FRK: variants seen among roughly 807,000 people sequenced by gnomAD.
FRK encodes the protein tyrosine-protein kinase FRK.
Under a neutral mutation model 56.4 loss-of-function variants are expected in FRK, and 51 were observed. The observed-to-expected ratio is 0.90, with a 90% CI of 0.72 to 1.14. The LOEUF (loss-of-function observed/expected upper bound fraction) is 1.14. FRK is among the 50% of genes most tolerant of loss of function. The pLI is 0.00. For synonymous variants in FRK, 245 were observed against 217.9 expected (o/e 1.12, Z -1.10); for missense variants, 570 against 601.4 (o/e 0.95, Z 0.55).
rs1416671734 is a variant in FRK, at chr6:115,940,532, G to A, written c.*1882C>T. On this transcript the variant is annotated 3_prime_UTR_variant, in exon 8 of 8. Transcript: ENST00000606080. ...GACAGCAAAAGAAACTATCATCAGA[G>A]TGAACAGGCAACCTACAGAATGGGA... 6.6e-6 allele frequency: 1 copy of A among 152,172 alleles called. No individual in the cohort carries two copies. The highest frequency in any genetic ancestry group is 2.4e-5 in the African/African-American group (1 of 41,442). 9.4% of individuals were successfully genotyped at this position (152,172 alleles called of 1,614,324 possible).
chr6:115,994,664 A>G (rs1774767285), intron 2 of FRK, among the ~76,000 whole-genome samples: 1 of 152,108 alleles, frequency 6.6e-6, no homozygotes, highest in Non-Finnish European at 1.5e-5. Context: ...TATATATTGA[A>G]GGCTTAAATC....
chr6:116,061,238 A>G (rs1777612472), upstream of FRK, among the ~76,000 whole-genome samples: 1 of 152,228 alleles, frequency 6.6e-6, no homozygotes, highest in Non-Finnish European at 1.5e-5. Flanking sequence ...AGAACCATCA[A>G]GTCACTCCCT....
chr6:116,055,349 T>C (rs1188226762), intron 1 of FRK, among the ~76,000 whole-genome samples: 2 of 152,172 alleles, frequency 1.3e-5, no homozygotes, highest in Non-Finnish European at 2.9e-5. Context: ...AAACTACAAG[T>C]TACAAATATT....
In FRK at chr6:116,036,755, G is replaced by A. The variant is rs189664781; in HGVS notation, c.344+23213C>T. The stretch of plus-strand genomic sequence containing the variant: ...TTATTCATTAAATAAGTAAAATAAC[G>A]TTACAACATAGATATCAATGTACTT... On this transcript the variant is annotated intron_variant, in intron 1 of 7. Coordinates refer to ENST00000606080, the MANE Select transcript of FRK (RefSeq NM_002031.3). 1.4e-4 allele frequency among the ~76,000 whole-genome samples: 21 copies of A among 152,032 alleles called. No homozygotes were observed. In the East Asian group the frequency reaches 2.1e-3, roughly 15 times the overall value.
intron 2 of FRK, among the ~76,000 whole-genome samples, chr6:115,972,857 T>C (rs1773860503): frequency 1.3e-5 from 2 of 152,188 alleles, no homozygotes; most frequent in African/African-American, 4.8e-5. Flanking sequence ...AGTCAGTAGA[T>C]GGCACTGCCA....
At chr6:115,952,738 A>T (rs567217485) in intron 5 of FRK, among the ~76,000 whole-genome samples, 26 of 152,142 alleles carry the variant, frequency 1.7e-4, no homozygotes, top group African/African-American at 5.8e-4. Context: ...AATACTATGC[A>T]GCCATAAAAA....
At chr6:115,958,607 A>G (rs1773110398) in intron 4 of FRK, among the ~76,000 whole-genome samples, 1 of 140,542 alleles carries the variant, frequency 7.1e-6, no homozygotes. Context: ...CAGCCTGGGA[A>G]ATAGAGTGAG....
chr6:115,940,424 G>C lies in FRK; in HGVS notation c.*1990C>G, dbSNP rs942883454. 1 of 152,184 alleles carries C rather than the reference G, an allele frequency of 6.6e-6. No individual in the cohort carries two copies. Among genetic ancestry groups the C allele is most frequent in the African/African-American group, 2.4e-5 (1 of 41,430 alleles). The allele number at this position is 152,184 out of a possible 1,614,324, so 9.4% of individuals were successfully genotyped here. On this transcript the variant is annotated 3_prime_UTR_variant, in exon 8 of 8. Transcript: ENST00000606080. ...CATTCAGGACATAGGCATTGGAAAA[G>C]ACATCATGACTAAAACACAAAAACC...
the FRK span, among the ~76,000 whole-genome samples, chr6:116,089,319 C>A: frequency 6.6e-6 from 1 of 152,190 alleles, no homozygotes; most frequent in Admixed American, 6.5e-5. Flanking sequence ...GTTTTCTCAG[C>A]CCAGCCCTAA....
chr6:115,968,458 G>A (rs759964321), intron 3 of FRK, 118 bp downstream of exon 3: 213 of 1,122,056 alleles, frequency 1.9e-4, no homozygotes, highest in Non-Finnish European at 2.4e-4. Context: ...GCCTATACCC[G>A]CCTGAGGTAA....
intron 1 of FRK, chr6:116,039,271 A>C: frequency 6.7e-7 from 1 of 1,486,052 alleles, no homozygotes; most frequent in Non-Finnish European, 9.4e-7. Context: ...TGGTACCAGC[A>C]AGACTGCAAC....
chr6:115,967,644 G>A lies in FRK; in HGVS notation c.706C>T (p.Leu236Phe), dbSNP rs1288456033. 3 of 1,613,626 alleles carry A rather than the reference G, an allele frequency of 1.9e-6. No individual in the cohort carries two copies. The Admixed American group carries it at 5.0e-5, about 27-fold the overall frequency. ...QWEIDRNSIQLLKRLGSGQFG... is the reference protein window; with the variant it reads ...QWEIDRNSIQFLKRLGSGQFG... ...TGACCAGATCCCAATCGCTTCAGAA[G>A]CTGTATGGAGTTGCGGTCTATCTCC... Residue 236 changes from leucine to phenylalanine, a missense_variant, in exon 4 of 8, where the codon CTT (leucine) becomes TTT (phenylalanine). By Grantham distance (22) the Leu-to-Phe change is conservative. Coordinates refer to ENST00000606080, the MANE Select transcript of FRK (RefSeq NM_002031.3).
chr6:116,066,842 T>G, the FRK span, among the ~76,000 whole-genome samples: 1 of 152,304 alleles, frequency 6.6e-6, no homozygotes, highest in African/African-American at 2.4e-5. Context: ...ACCTAAATAA[T>G]GTATCATTAA....
chr6:115,979,239 G>T (rs1159004609), intron 2 of FRK, among the ~76,000 whole-genome samples: 1 of 152,190 alleles, frequency 6.6e-6, no homozygotes, highest in Admixed American at 6.6e-5. Context: ...GTAGAACAAG[G>T]TGTGGATGTG....
At chr6:115,982,928 C>T (rs954208617) in intron 2 of FRK, among the ~76,000 whole-genome samples, 5 of 151,842 alleles carry the variant, frequency 3.3e-5, no homozygotes, top group African/African-American at 9.7e-5. Flanking sequence ...AAAATTTAGC[C>T]AGGCATGGTG....
chr6:115,939,267 T>C lies in FRK; in HGVS notation c.*3147A>G, dbSNP rs187059788. On this transcript the variant is annotated 3_prime_UTR_variant, in exon 8 of 8. Transcript: ENST00000606080. ...GATGATCTCAATAGATGCAGAAAAT[T>C]TGATAAAATTCAACACCCCTTCATA... 6.6e-6 allele frequency: 1 copy of C among 151,666 alleles called. No individual in the cohort carries two copies. The highest frequency in any genetic ancestry group is 1.9e-4 in the East Asian group (1 of 5,174). 9.4% of individuals were successfully genotyped at this position (151,666 alleles called of 1,614,324 possible).
chr6:115,983,893 G>A (rs1360010224), intron 2 of FRK, among the ~76,000 whole-genome samples: 3 of 152,108 alleles, frequency 2.0e-5, no homozygotes, highest in East Asian at 3.9e-4. Context: ...TTTCCCTACT[G>A]CCTAAAGTTC....
intron 1 of FRK, among the ~76,000 whole-genome samples, chr6:116,015,366 C>T (rs193181557): frequency 2.2e-4 from 34 of 152,288 alleles, no homozygotes; most frequent in African/African-American, 7.7e-4. Flanking sequence ...CGAGTCTTCC[C>T]CAGCCATCCA....
At chr6:115,988,056 T>G (rs1774456595) in intron 2 of FRK, among the ~76,000 whole-genome samples, 1 of 151,960 alleles carries the variant, frequency 6.6e-6, no homozygotes, top group South Asian at 2.1e-4. Context: ...AATAGGAAAA[T>G]AAAATTCCAG....
Sources: allele counts gnomAD v4.1 joint callset (sites outside exome capture counted in the v4.1 genomes callset), GRCh38; gene constraint gnomAD v4.1.1; transcripts MANE v1.5; gene names NCBI Gene and HGNC (gene_info 2026-07-23, HGNC 2026-07-21).